The following DYSF variants were observed in gnomAD, a reference collection of about 807,000 sequenced individuals.
DYSF encodes the protein dystrophy-associated fer-1-like 1.
In DYSF, 212 loss-of-function variants were observed where a neutral mutation model predicts 274.9. That is an observed-to-expected ratio of 0.77 (90% CI 0.69 to 0.86). The LOEUF (loss-of-function observed/expected upper bound fraction) is 0.86, where lower values mean the gene tolerates loss of function less well. DYSF is among the 40% of genes least tolerant of loss of function. DYSF has a pLI of 0.00. For synonymous variants in DYSF, 1,091 were observed against 1,078.7 expected (o/e 1.01, Z -0.22); for missense variants, 2,666 against 2,783.2 (o/e 0.96, Z 0.95).
chr2:71,472,055 G>A (rs74903116), intron 1 of DYSF, among the ~76,000 whole-genome samples: 5,629 of 152,056 alleles, frequency 0.037, 356 homozygotes, highest in African/African-American at 0.13. Flanking sequence ...AAATATCTGC[G>A]TAATATTTTC....
chr2:71,565,333 C>T (rs551505478), intron 24 of DYSF, among the ~76,000 whole-genome samples: 4 of 151,536 alleles, frequency 2.6e-5, no homozygotes, highest in African/African-American at 4.9e-5. Context: ...TCAGGTGATC[C>T]GCCTGCCTTG....
intron 30 of DYSF, among the ~76,000 whole-genome samples, chr2:71,575,498 G>T (rs974404967): frequency 6.6e-6 from 1 of 152,166 alleles, no homozygotes; most frequent in East Asian, 1.9e-4. Context: ...CCAGGGTCGG[G>T]CAGGATAGGA....
At chr2:71,516,404 G>A (rs1173917571) in intron 9 of DYSF, among the ~76,000 whole-genome samples, 162 bp downstream of exon 9, 1 of 152,238 alleles carries the variant, frequency 6.6e-6, no homozygotes, top group Non-Finnish European at 1.5e-5. Context: ...ATGTGCGTGA[G>A]AGGGAGACGT....
At chr2:71,664,949 C>G (rs1230658993) in intron 46 of DYSF, among the ~76,000 whole-genome samples, 1 of 152,230 alleles carries the variant, frequency 6.6e-6, no homozygotes, top group Non-Finnish European at 1.5e-5. Flanking sequence ...AGTTGCAATT[C>G]CGTACTTAAA....
intron 41 of DYSF, among the ~76,000 whole-genome samples, chr2:71,631,873 G>T (rs1464734673): frequency 6.6e-6 from 1 of 152,018 alleles, no homozygotes. Flanking sequence ...GACAGCCTGG[G>T]GTGAAACTTG....
At chr2:71,485,354 G>A (rs565172341) in intron 3 of DYSF, among the ~76,000 whole-genome samples, 245 of 152,276 alleles carry the variant, frequency 1.6e-3, no homozygotes, top group Middle Eastern at 3.4e-3. Context: ...TCAGGAGTTC[G>A]AGACCAGCCT....
At chr2:71,585,625 C>G (rs563858726) in intron 30 of DYSF, among the ~76,000 whole-genome samples, 1 of 152,256 alleles carries the variant, frequency 6.6e-6, no homozygotes, top group East Asian at 1.9e-4. Context: ...CCCACCGGGC[C>G]GGCCTGTGTC....
At chr2:71,620,438 G>C (rs1270707408) in intron 40 of DYSF, 109 bp from the exon 41 acceptor site, 1 of 1,145,586 alleles carries the variant, frequency 8.7e-7, no homozygotes, top group Non-Finnish European at 1.3e-6. Context: ...TCTCCCTGGA[G>C]GAAGAGCAGA....
rs1553420848 is a variant in DYSF at position 71,679,193 on chromosome 2, G to A, written c.6021G>A (p.Trp2007Ter). The A allele has an allele frequency of 6.2e-7, 1 of 1,613,972 alleles. No homozygotes were observed. Among genetic ancestry groups the A allele is most frequent in the African/African-American group, 1.3e-5 (1 of 74,912 alleles). The change falls in exon 53 of 56, where the codon TGG (tryptophan) becomes TGA (stop). Residue 2007 changes from tryptophan (W) to a stop codon, truncating the protein, a stop_gained. Coordinates refer to ENST00000410020, the MANE Select transcript of DYSF (RefSeq NM_001130987.2). LOFTEE classifies it high-confidence loss of function. ...TTGAGCAGAAAACAGTGAAGGGCTG[G>A]TGGCCCTGTGTAGCAGAAGAGGGTG... Reference protein sequence around the residue: ...SLFEQKTVKGWWPCVAEEGEK... With the variant: ...SLFEQKTVKG
chr2:71,529,548 C>T (rs1474513426), intron 14 of DYSF, among the ~76,000 whole-genome samples: 2 of 152,214 alleles, frequency 1.3e-5, no homozygotes, highest in Non-Finnish European at 2.9e-5. Context: ...TATGGCATCA[C>T]AACAGAGAGC....
At chr2:71,588,250 C>G (rs368502362) in intron 30 of DYSF, among the ~76,000 whole-genome samples, 1 of 152,054 alleles carries the variant, frequency 6.6e-6, no homozygotes, top group African/African-American at 2.4e-5. Flanking sequence ...CTGGACTGGA[C>G]CTTTCAGGCC....
chr2:71,527,906 C>G (rs953526213), intron 13 of DYSF, among the ~76,000 whole-genome samples: 1 of 152,028 alleles, frequency 6.6e-6, no homozygotes, highest in East Asian at 1.9e-4. Context: ...TAAATCGCTG[C>G]GCTAATAGAT....
rs79617374 is a variant in DYSF at position 71,538,994 on chromosome 2, G to T, written c.1494-163G>T. 0.13 allele frequency among the ~76,000 whole-genome samples: 19,193 copies of T among 152,142 alleles called. 1,369 individuals are homozygous for T. The highest frequency in any genetic ancestry group is 0.18 in the African/African-American group (7,571 of 41,474). ...CCTCCTGTGCAGTGTCTTCATCTCT[G>T]GGATTACCAGGCCTCAGTAACATAC... On this transcript the variant is annotated intron_variant, in intron 16 of 55. Transcript: ENST00000410020.
At chr2:71,663,133 G>A (rs1230024684) in intron 45 of DYSF, among the ~76,000 whole-genome samples, 2 of 112,350 alleles carry the variant, frequency 1.8e-5, no homozygotes, top group Non-Finnish European at 4.0e-5. Flanking sequence ...TGACCTCTGA[G>A]GTTCTGACTC....
At chr2:71,672,062 C>G (rs1417036019) in intron 51 of DYSF, among the ~76,000 whole-genome samples, 1 of 151,628 alleles carries the variant, frequency 6.6e-6, no homozygotes, top group African/African-American at 2.4e-5. Context: ...TGATGCCAGA[C>G]TCTGGGGAGA....
chr2:71,533,874 T>C (rs1413740127), intron 14 of DYSF, among the ~76,000 whole-genome samples: 1 of 152,220 alleles, frequency 6.6e-6, no homozygotes, highest in Admixed American at 6.5e-5. Flanking sequence ...AGCATCTTTT[T>C]ATATGTCTCA....
chr2:71,538,839 C>T (rs988296232), intron 16 of DYSF, among the ~76,000 whole-genome samples: 1 of 152,184 alleles, frequency 6.6e-6, no homozygotes, highest in Non-Finnish European at 1.5e-5. Flanking sequence ...CTCCTTGCCT[C>T]TGGCCTCCTC....
At chr2:71,459,890 C>T (rs114347717) in intron 1 of DYSF, among the ~76,000 whole-genome samples, 3,490 of 152,138 alleles carry the variant, frequency 0.023, 56 homozygotes, top group African/African-American at 0.049. Context: ...CTGTCAGCCC[C>T]GAAACACTGC....
At chr2:71,480,850 GT>G in intron 1 of DYSF, 32 bp from the exon 2 acceptor site, 1 of 1,603,398 alleles carries the variant, frequency 6.2e-7, no homozygotes, top group Non-Finnish European at 8.5e-7. Flanking sequence ...GGCGGGATGT[GT>G]CTCTCCATTC....
Sources: allele counts gnomAD v4.1 joint callset (sites outside exome capture counted in the v4.1 genomes callset), GRCh38; gene constraint gnomAD v4.1.1; transcripts MANE v1.5; gene names NCBI Gene and HGNC (gene_info 2026-07-23, HGNC 2026-07-21).